Variants in CA5B observed in about 807,000 individuals in gnomAD.
The protein encoded by CA5B is carbonic anhydrase 5B, mitochondrial.
Under a neutral mutation model 23.1 loss-of-function variants are expected in CA5B, and 15 were observed. The ratio of observed to expected loss-of-function variants is 0.65; its 90% CI spans 0.43 to 1.00. The LOEUF (loss-of-function observed/expected upper bound fraction) is 1.00. Among genes scored for constraint, CA5B ranks in the 50% least tolerant of loss-of-function variants. The pLI is 0.00. For missense variants in CA5B, 236 were observed against 252.2 expected, an observed-to-expected ratio of 0.94 and a Z score of 0.43; for synonymous variants, 84 against 98.5, an observed-to-expected ratio of 0.85 and a Z score of 0.87.
At chrX:15,780,519 G>A (rs543888985) in intron 7 of CA5B, among the ~76,000 whole-genome samples, 3 of 111,164 alleles carry the variant, frequency 2.7e-5, no homozygotes, top group African/African-American at 6.5e-5. Context: ...TGATCCACCC[G>A]CCTCGGCCTC....
At chrX:15,781,240 G>T (rs1378865330) in intron 7 of CA5B, among the ~76,000 whole-genome samples, 1 of 110,864 alleles carries the variant, frequency 9.0e-6, no homozygotes, top group Non-Finnish European at 1.9e-5. Flanking sequence ...GCCTCCCAAA[G>T]TGCTGGGATT....
intron 2 of CA5B, among the ~76,000 whole-genome samples, chrX:15,757,742 C>T (rs1931523312): frequency 9.3e-6 from 1 of 107,276 alleles, no homozygotes; most frequent in Non-Finnish European, 1.9e-5. Flanking sequence ...TAGACATAAA[C>T]TTGTGTAGGC....
intron 1 of CA5B, among the ~76,000 whole-genome samples, chrX:15,744,358 T>C (rs1301064416): frequency 1.8e-5 from 2 of 112,658 alleles, no homozygotes; most frequent in Non-Finnish European, 3.8e-5. Flanking sequence ...CAGCCTCTTG[T>C]GCAGGGCCCT....
intron 6 of CA5B, 62 bp downstream of exon 6, chrX:15,775,370 A>G: frequency 8.8e-7 from 1 of 1,139,716 alleles, no homozygotes; most frequent in Non-Finnish European, 1.2e-6. Flanking sequence ...CAGAGCGGAG[A>G]CATTACCAAG....
intron 3 of CA5B, among the ~76,000 whole-genome samples, chrX:15,768,177 G>A (rs904257501): frequency 9.1e-6 from 1 of 110,217 alleles, no homozygotes; most frequent in East Asian, 2.8e-4. Flanking sequence ...GATTATAGGT[G>A]TGAGCCACTG....
intron 2 of CA5B, among the ~76,000 whole-genome samples, chrX:15,761,134 G>A (rs1375423004): frequency 9.0e-6 from 1 of 111,222 alleles, no homozygotes; most frequent in East Asian, 2.8e-4. Flanking sequence ...GATGTTGGCT[G>A]CTGCGTAGTT....
At position 15,738,294 on chromosome X, in the gene CA5B, G is replaced by C. The variant is rs1225478356; in HGVS notation, c.-112G>C. 3 of 111,755 alleles carry C rather than the reference G, an allele frequency of 2.7e-5. No individual in the cohort carries two copies. Among genetic ancestry groups the C allele is most frequent in the Non-Finnish European group, 5.6e-5 (3 of 53,230 alleles). 9.2% of individuals were successfully genotyped at this position (111,755 alleles called of 1,213,427 possible). ...CGTAGCTTCGATGGCCGGACGTGCAGGCTGCGGATCCCCGTAGGCGAGCGA... is the reference window on the plus strand; with the variant it reads ...CGTAGCTTCGATGGCCGGACGTGCACGCTGCGGATCCCCGTAGGCGAGCGA... On this transcript the variant is annotated 5_prime_UTR_variant, in exon 1 of 8. Coordinates refer to ENST00000318636, the MANE Select transcript of CA5B (RefSeq NM_007220.4).
intron 7 of CA5B, among the ~76,000 whole-genome samples, chrX:15,777,333 CT>C: frequency 9.0e-6 from 1 of 111,532 alleles, no homozygotes; most frequent in Middle Eastern, 4.7e-3. Flanking sequence ...CTATTTTTCC[CT>C]TAGAAACTAA....
chrX:15,746,022 CTTTTTTTTTTT>C lies in CA5B; in HGVS notation c.-53-3934_-53-3924del, dbSNP rs11304971. ...TTGAAGCCACAGAAAGCGTCAACTT[CTTTTTTTTTTT>C]TTTTTTTTTTTTTTGAGACGGAGTC... On this transcript the variant is annotated intron_variant, in intron 1 of 7. Coordinates refer to ENST00000318636, the MANE Select transcript of CA5B (RefSeq NM_007220.4). Among the ~76,000 whole-genome samples, 5 of 53,412 alleles carry C rather than the reference CTTTTTTTTTTT, an allele frequency of 9.4e-5. 1 individual carries two copies. In the Middle Eastern group the frequency reaches 0.049, roughly 528 times the overall value. 46.4% of individuals were successfully genotyped at this position (53,412 alleles called of 115,157 possible).
At chrX:15,761,633 T>C (rs989717882) in intron 2 of CA5B, among the ~76,000 whole-genome samples, 2 of 112,205 alleles carry the variant, frequency 1.8e-5, no homozygotes, top group African/African-American at 6.5e-5. Flanking sequence ...AAGAGTATTA[T>C]GAGTTTGCAT....
intron 2 of CA5B, 160 bp downstream of exon 2, chrX:15,750,325 A>G: frequency 2.3e-6 from 1 of 438,392 alleles, no homozygotes. Flanking sequence ...AAACATTTGT[A>G]GCTATGCTGT....
intron 2 of CA5B, among the ~76,000 whole-genome samples, chrX:15,752,777 T>A (rs1205954170): frequency 3.6e-5 from 4 of 110,311 alleles, no homozygotes; most frequent in African/African-American, 1.3e-4. Flanking sequence ...TTCCAGACCC[T>A]CCCAATCCTA....
intron 2 of CA5B, chrX:15,762,734 G>A (rs1405630259): frequency 3.0e-6 from 1 of 335,830 alleles, no homozygotes; most frequent in South Asian, 2.7e-5. Flanking sequence ...GTGGTGGGGC[G>A]AGATGCAGAG....
intron 2 of CA5B, among the ~76,000 whole-genome samples, chrX:15,763,670 A>T (rs1239051539): frequency 1.8e-5 from 2 of 112,485 alleles, no homozygotes; most frequent in African/African-American, 6.5e-5. Flanking sequence ...GATGGATGAG[A>T]GGGAATTTAT....
chrX:15,776,383 C>G lies in CA5B; in HGVS notation c.619-331C>G, dbSNP rs1241297021. Among the ~76,000 whole-genome samples the G allele has an allele frequency of 3.6e-5, 4 of 109,870 alleles. 1 individual carries two copies. Among genetic ancestry groups the G allele is most frequent in the Non-Finnish European group, 1.9e-5 (1 of 52,570 alleles). On this transcript the variant is annotated intron_variant, in intron 6 of 7. Transcript: ENST00000318636. ...GAAAAAAGAAAAGAAAATGCAAAGC[C>G]TCTTTCTTTATGCACTGGCCGCTGT...
intron 1 of CA5B, among the ~76,000 whole-genome samples, chrX:15,747,521 G>C (rs1439963085): frequency 9.2e-6 from 1 of 109,264 alleles, no homozygotes; most frequent in African/African-American, 3.3e-5. Flanking sequence ...GGCAGGAGGG[G>C]GGGTAGAAGA....
Position 15,776,723 on chromosome X carries a change from G to T in CA5B, c.628G>T (p.Val210Leu). ...LPSIKHKDAL[V>L]EFGSFDPSCL... ...CTCTTCTCTTGGCCAGGACGCCCTT[G>T]TGGAATTTGGGTCATTTGACCCTTC... Residue 210 changes from valine to leucine, a missense_variant, in exon 7 of 8, where the codon GTG (valine) becomes TTG (leucine). Val to Leu is a conservative substitution (Grantham distance 32). Around this residue, in one of 3 missense-constraint regions of CA5B, gnomAD observed 170 missense variants for 162.0 expected, o/e 1.05. Transcript: ENST00000318636. The T allele has an allele frequency of 8.3e-7, 1 of 1,208,296 alleles. No individual in the cohort carries two copies. Among genetic ancestry groups the T allele is most frequent in the Non-Finnish European group, 1.1e-6 (1 of 892,552 alleles).
rs147600421 is a variant in CA5B at position 15,774,323 on chromosome X, G to C, written c.481G>C (p.Ala161Pro). The C allele has an allele frequency of 8.3e-7, 1 of 1,206,814 alleles. No homozygotes were observed. Among genetic ancestry groups the C allele is most frequent in the African/African-American group, 1.8e-5 (1 of 56,415 alleles). Reference sequence around the variant, plus strand: ...TCAGCTGCACTTAGTGCATTGGAACGCAGTCAGATTTGAAAACTTTGAGGA... The same window carrying C: ...TCAGCTGCACTTAGTGCATTGGAACCCAGTCAGATTTGAAAACTTTGAGGA... The part of the protein sequence containing the change: ...PAELHLVHWN[A>P]VRFENFEDAA... The change falls in exon 5 of 8, where the codon GCA (alanine) becomes CCA (proline). Residue 161 changes from alanine to proline, a missense_variant. Physicochemically the swap from Ala to Pro is conservative, Grantham distance 27. This residue lies in a region of CA5B where 170 missense variants were observed against 162.0 expected (regional missense o/e 1.05). Coordinates refer to ENST00000318636, the MANE Select transcript of CA5B (RefSeq NM_007220.4).
At chrX:15,769,597 A>C in intron 3 of CA5B, 3 of 753,745 alleles carry the variant, frequency 4.0e-6, no homozygotes, top group Non-Finnish European at 4.7e-6. Flanking sequence ...AGTGCCAGTG[A>C]ACCTAGTAAG....
Sources: allele counts gnomAD v4.1 joint callset (sites outside exome capture counted in the v4.1 genomes callset), GRCh38; gene constraint gnomAD v4.1.1; regional missense constraint gnomAD v4.1.1; transcripts MANE v1.5; gene names NCBI Gene and HGNC (gene_info 2026-07-23, HGNC 2026-07-21).